The following MBD3L1 variants were observed in gnomAD, a reference collection of about 807,000 sequenced individuals.
MBD3L1 encodes methyl-CpG binding domain protein 3 like 1.
For synonymous variants in MBD3L1, 84 were observed against 85.1 expected (o/e 0.99, Z 0.07); for missense variants, 203 against 230.1 (o/e 0.88, Z 0.76).
intron 1 of MBD3L1, among the ~76,000 whole-genome samples, chr19:8,839,933 C>T (rs915682545): frequency 6.6e-6 from 1 of 152,002 alleles, no homozygotes; most frequent in Non-Finnish European, 1.5e-5. Context: ...TCTGTAATCC[C>T]AGCACTTTGG....
At chr19:8,837,926 G>C (rs2044470813) in intron 1 of MBD3L1, among the ~76,000 whole-genome samples, 1 of 152,050 alleles carries the variant, frequency 6.6e-6, no homozygotes, top group Non-Finnish European at 1.5e-5. Flanking sequence ...ATACACAGGA[G>C]ACAGCAAGGC....
chr19:8,841,266 A>T (rs1196695691), intron 2 of MBD3L1, among the ~76,000 whole-genome samples: 1 of 150,948 alleles, frequency 6.6e-6, no homozygotes. Flanking sequence ...TCCTGGCCTC[A>T]AGTGATCCAC....
At chr19:8,832,884 C>T (rs901891531) in intron 1 of MBD3L1, among the ~76,000 whole-genome samples, 4 of 151,108 alleles carry the variant, frequency 2.6e-5, no homozygotes, top group Admixed American at 2.0e-4. Context: ...CCGGGCCGGG[C>T]GGAGGGCGGG....
chr19:8,839,504 T>G (rs1397215130), intron 1 of MBD3L1, among the ~76,000 whole-genome samples: 1 of 152,136 alleles, frequency 6.6e-6, no homozygotes, highest in Non-Finnish European at 1.5e-5. Flanking sequence ...CTGGCCATAT[T>G]TAGATTTTCT....
intron 1 of MBD3L1, among the ~76,000 whole-genome samples, chr19:8,832,873 T>C (rs989034120): frequency 1.3e-5 from 2 of 151,652 alleles, no homozygotes; most frequent in Non-Finnish European, 2.9e-5. Flanking sequence ...GGAGATAAGC[T>C]CCGGGCCGGG....
At position 8,843,298 on chromosome 19, in the gene MBD3L1, T is replaced by G; in HGVS notation, c.*35T>G. On this transcript the variant is annotated 3_prime_UTR_variant, in exon 3 of 3. Coordinates refer to ENST00000595891, the MANE Select transcript of MBD3L1 (RefSeq NM_001393532.1). ...GGAAGATAGTGCAGATGAAATAAAGTGTAATCCTTTATTAACATCTCTTTG... is the reference window on the plus strand; with the variant it reads ...GGAAGATAGTGCAGATGAAATAAAGGGTAATCCTTTATTAACATCTCTTTG... The G allele has an allele frequency of 7.0e-7, 1 of 1,425,890 alleles. No individual in the cohort carries two copies. The highest frequency in any genetic ancestry group is 1.8e-4 in the Middle Eastern group (1 of 5,482). 88.3% of individuals were successfully genotyped at this position (1,425,890 alleles called of 1,614,324 possible).
intron 1 of MBD3L1, among the ~76,000 whole-genome samples, chr19:8,836,025 G>GT (rs1795892361): frequency 6.6e-6 from 1 of 152,172 alleles, no homozygotes; most frequent in African/African-American, 2.4e-5. Context: ...GGGGAAGTGG[G>GT]TAATGGTATG....
chr19:8,840,794 T>A (rs1045620547), intron 1 of MBD3L1, 121 bp from the exon 2 acceptor site: 6 of 152,148 alleles, frequency 3.9e-5, no homozygotes, highest in African/African-American at 1.2e-4. Context: ...GGAGTAAACA[T>A]GACAGTGCAT....
chr19:8,838,893 G>C (rs573728227), intron 1 of MBD3L1, among the ~76,000 whole-genome samples: 7 of 152,246 alleles, frequency 4.6e-5, no homozygotes, highest in South Asian at 2.1e-4. Context: ...CGTGTTCCTG[G>C]GACTATGTGC....
chr19:8,840,183 C>CA (rs775620947), intron 1 of MBD3L1, among the ~76,000 whole-genome samples: 1,244 of 59,548 alleles, frequency 0.021, 14 homozygotes, highest in Admixed American at 0.049. Flanking sequence ...GACTCCGTCT[C>CA]AAAAAAAAAA....
Position 8,840,183 on chromosome 19 carries a change from CA to C in MBD3L1, c.-106-716del, listed in dbSNP as rs775620947. On this transcript the variant is annotated intron_variant, in intron 1 of 2. Transcript: ENST00000595891. ...TGGGCTATAGAGCGGGACTCCGTCT[CA>C]AAAAAAAAAAAAAAACAAAAACAGA... Among the ~76,000 whole-genome samples the C allele has an allele frequency of 9.8e-3, 589 of 60,120 alleles. 2 individuals carry two copies. Among genetic ancestry groups the C allele is most frequent in the African/African-American group, 0.027 (455 of 16,804 alleles). The allele number at this position is 60,120 out of a possible 152,430, so 39.4% of individuals were successfully genotyped here.
chr19:8,835,343 C>T (rs1471423247), intron 1 of MBD3L1, among the ~76,000 whole-genome samples: 1 of 152,156 alleles, frequency 6.6e-6, no homozygotes, highest in Non-Finnish European at 1.5e-5. Context: ...TGAGCCACTG[C>T]ACCCAGCCTG....
intron 1 of MBD3L1, chr19:8,833,411 C>T (rs1403494969): frequency 2.6e-5 from 4 of 152,180 alleles, no homozygotes; most frequent in Non-Finnish European, 4.4e-5. Flanking sequence ...CACGGTCTTT[C>T]AGTTCTTTTG....
At chr19:8,834,381 A>C (rs1413798119) in intron 1 of MBD3L1, among the ~76,000 whole-genome samples, 1 of 152,192 alleles carries the variant, frequency 6.6e-6, no homozygotes, top group Non-Finnish European at 1.5e-5. Flanking sequence ...AGGCTGAGGC[A>C]GGCAGATCAC....
At position 8,843,114 on chromosome 19, in the gene MBD3L1, C is replaced by G. The variant is rs748275110; in HGVS notation, c.436C>G (p.Gln146Glu). 6.2e-7 allele frequency: 1 copy of G among 1,613,668 alleles called. No individual in the cohort carries two copies. The highest frequency in any genetic ancestry group is 2.2e-5 in the East Asian group (1 of 44,854). Residue 146 changes from glutamine to glutamate, a missense_variant, in exon 3 of 3, where the codon CAA (glutamine) becomes GAA (glutamate). Transcript: ENST00000595891. ...GGGTATCTCGCAGCTCCTCTGCAAA[C>G]AATTTCTGGTTACTGAGGAAGATAT... The part of the protein sequence containing the change: ...GVGISQLLCK[Q>E]FLVTEEDIRK...
intron 1 of MBD3L1, among the ~76,000 whole-genome samples, chr19:8,839,316 C>T (rs1457375644): frequency 6.6e-6 from 1 of 151,574 alleles, no homozygotes; most frequent in African/African-American, 2.4e-5. Flanking sequence ...TCCTGAGTAG[C>T]TGGGATACAG....
chr19:8,842,840 A>ATGGGAGGAGAGC lies in MBD3L1; in HGVS notation c.164_175dup (p.Trp55_Ser58dup), dbSNP rs144536799. The stretch of plus-strand genomic sequence containing the variant: ...CTGGCAATGAGGTCAGATACCATCA[A>ATGGGAGGAGAGC]TGGGAGGAGAGCTTGGAGAAGCCTC... On this transcript the variant is annotated inframe_insertion, in exon 3 of 3. Transcript: ENST00000595891. The ATGGGAGGAGAGC allele has an allele frequency of 1.2e-4, 189 of 1,614,224 alleles. No individual in the cohort carries two copies. In the East Asian group the frequency reaches 3.3e-3, roughly 28 times the overall value.
At chr19:8,839,719 G>T (rs2044491360) in intron 1 of MBD3L1, among the ~76,000 whole-genome samples, 1 of 152,102 alleles carries the variant, frequency 6.6e-6, no homozygotes, top group African/African-American at 2.4e-5. Context: ...GGAGTTGCTG[G>T]AGGTGAGGAG....
Position 8,834,848 on chromosome 19 carries a change from G to A in MBD3L1, c.-107+2326G>A, listed in dbSNP as rs754597255. The stretch of plus-strand genomic sequence containing the variant: ...TTCTTAGATATGACATCAAAAACAG[G>A]TGGCGAAAGAAAAAATATATAAATT... On this transcript the variant is annotated intron_variant, in intron 1 of 2. Coordinates refer to ENST00000595891, the MANE Select transcript of MBD3L1 (RefSeq NM_001393532.1). Among the ~76,000 whole-genome samples the A allele has an allele frequency of 7.2e-4, 109 of 151,980 alleles. 1 individual carries two copies. Among genetic ancestry groups the A allele is most frequent in the Non-Finnish European group, 5.4e-4 (37 of 68,010 alleles).
Sources: gnomAD v4.1 joint callset for allele counts (sites outside exome capture counted in the v4.1 genomes callset) on GRCh38, gnomAD v4.1.1 for gene constraint, MANE v1.5 for transcripts, NCBI Gene and HGNC (gene_info 2026-07-23, HGNC 2026-07-21) for gene names.